ZNF695: variants seen among roughly 807,000 people sequenced by gnomAD.
ZNF695 encodes the protein zinc finger protein 695.
In ZNF695, 11 loss-of-function variants were observed where a neutral mutation model predicts 11.2. That is an observed-to-expected ratio of 0.98 (90% CI 0.62 to 1.62). The LOEUF (loss-of-function observed/expected upper bound fraction) is 1.62. Ranked by LOEUF, ZNF695 falls within the 40% of genes most tolerant of loss-of-function variation. ZNF695 has a pLI of 0.00. For synonymous variants in ZNF695, 190 were observed against 201.4 expected (o/e 0.94, Z 0.48); for missense variants, 559 against 590.5 (o/e 0.95, Z 0.55).
chr1:246,946,142 C>T (rs1667729468), intron 5 of ZNF695, among the ~76,000 whole-genome samples: 1 of 152,144 alleles, frequency 6.6e-6, no homozygotes, highest in South Asian at 2.1e-4. Flanking sequence ...CGTGCCACAC[C>T]GGCTGAGGCT....
chr1:246,990,006 G>A (rs1668979374), intron 3 of ZNF695, among the ~76,000 whole-genome samples: 1 of 38,172 alleles, frequency 2.6e-5, no homozygotes, highest in South Asian at 6.6e-4. Context: ...ATCTTGAAAG[G>A]GAGAAAGGGA....
At chr1:246,946,452 G>A (rs1031816675) in intron 5 of ZNF695, among the ~76,000 whole-genome samples, 3 of 152,100 alleles carry the variant, frequency 2.0e-5, no homozygotes, top group Admixed American at 1.3e-4. Context: ...ATACCCTCTC[G>A]GACTTTTACT....
At chr1:246,994,411 C>G (rs1053930220) in intron 3 of ZNF695, among the ~76,000 whole-genome samples, 2 of 151,770 alleles carry the variant, frequency 1.3e-5, no homozygotes, top group African/African-American at 4.8e-5. Context: ...CGTGGTGGCA[C>G]GCGCCTGTAA....
intron 4 of ZNF695, among the ~76,000 whole-genome samples, chr1:246,974,162 A>C (rs535543337): frequency 6.1e-4 from 82 of 133,976 alleles, no homozygotes; most frequent in African/African-American, 2.1e-3. Flanking sequence ...ACAAACAAAC[A>C]AAAAAAAACA....
intron 5 of ZNF695, among the ~76,000 whole-genome samples, chr1:246,948,674 G>A (rs1667797923): frequency 6.6e-6 from 1 of 152,232 alleles, no homozygotes; most frequent in African/African-American, 2.4e-5. Context: ...CTGGCACGAT[G>A]TGTGTACAAT....
chr1:246,947,447 A>T (rs1303446831), intron 5 of ZNF695, among the ~76,000 whole-genome samples: 1 of 152,132 alleles, frequency 6.6e-6, no homozygotes, highest in African/African-American at 2.4e-5. Flanking sequence ...CTCTCAACAG[A>T]GAACAGTCTG....
downstream of ZNF695, among the ~76,000 whole-genome samples, chr1:246,984,203 T>C (rs1668785508): frequency 7.0e-6 from 1 of 143,654 alleles, no homozygotes; most frequent in Admixed American, 7.0e-5. Flanking sequence ...AAATTTCCTG[T>C]TAGAATGTAC....
At chr1:246,948,279 G>A (rs1032815808) in intron 5 of ZNF695, among the ~76,000 whole-genome samples, 5 of 151,866 alleles carry the variant, frequency 3.3e-5, no homozygotes, top group African/African-American at 1.2e-4. Flanking sequence ...TCACCATGTT[G>A]GCCAGGCTGG....
At chr1:246,958,248 C>T (rs1390262352) in intron 5 of ZNF695, among the ~76,000 whole-genome samples, 6 of 151,954 alleles carry the variant, frequency 3.9e-5, no homozygotes, top group Non-Finnish European at 8.8e-5. Flanking sequence ...TTAGTAGAGA[C>T]AGGGTTTCAC....
At chr1:247,000,463 T>C (rs537829757) in intron 1 of ZNF695, among the ~76,000 whole-genome samples, 1 of 152,188 alleles carries the variant, frequency 6.6e-6, no homozygotes, top group South Asian at 2.1e-4. Context: ...ACCACTGCAC[T>C]ACAGCCTGGG....
intron 5 of ZNF695, among the ~76,000 whole-genome samples, chr1:246,962,765 TC>T (rs1224976741): frequency 6.6e-6 from 1 of 151,698 alleles, no homozygotes; most frequent in East Asian, 1.9e-4. Flanking sequence ...CGATCTCAGC[TC>T]ACTGCAAGCT....
At chr1:246,998,980 AT>A (rs1334180047) in intron 3 of ZNF695, among the ~76,000 whole-genome samples, 1 of 1,240 alleles carries the variant, frequency 8.1e-4, no homozygotes, top group Non-Finnish European at 1.5e-3. Context: ...GAAAACAAAT[AT>A]ATATATATAT....
chr1:246,978,637 C>T (rs1668627008), intron 4 of ZNF695, among the ~76,000 whole-genome samples: 1 of 152,170 alleles, frequency 6.6e-6, no homozygotes, highest in Non-Finnish European at 1.5e-5. Flanking sequence ...TCTAAAGTTA[C>T]CACATGTGTA....
Position 246,962,859 on chromosome 1 carries a change from A to AT in ZNF695, c.488+4835dup, listed in dbSNP as rs1276330541. ...AGGCACCCGCCACCACGCCCGGCTA[A>AT]TTTTTTTTTGTATTTTTAGTAGATA... On this transcript the variant is annotated intron_variant, in intron 5 of 5. Coordinates refer to the ZNF695 transcript ENST00000487338. Among the ~76,000 whole-genome samples, 85 of 151,212 alleles carry AT rather than the reference A, an allele frequency of 5.6e-4. 1 individual carries two copies. Among genetic ancestry groups the AT allele is most frequent in the Admixed American group, 3.1e-3 (47 of 15,168 alleles).
chr1:246,963,093 A>G (rs1668203876), intron 5 of ZNF695, among the ~76,000 whole-genome samples: 1 of 151,938 alleles, frequency 6.6e-6, no homozygotes. Flanking sequence ...AGCTATATTC[A>G]TCTAATGTCC....
rs745316995 is a variant in ZNF695 at position 246,999,920 on chromosome 1, A to T, written c.158T>A (p.Leu53Gln). Residue 53 changes from leucine (L) to glutamine (Q), a missense_variant, in exon 2 of 4, where the codon CTA becomes CAA. Coordinates refer to ENST00000339986, the MANE Select transcript of ZNF695 (RefSeq NM_020394.5). Reference protein sequence around the residue: ...LGEDSFNMQFLFHSLAMSKPE... With the variant: ...LGEDSFNMQFQFHSLAMSKPE... ...AAAGATGAAATCCTTACTGTGAAATAGGAATTGCATATTGAAGCTATCCTC... is the reference window on the plus strand; with the variant it reads ...AAAGATGAAATCCTTACTGTGAAATTGGAATTGCATATTGAAGCTATCCTC... 2 of 1,613,976 alleles carry T rather than the reference A, an allele frequency of 1.2e-6. No homozygotes were observed. The highest frequency in any genetic ancestry group is 1.7e-6 in the Non-Finnish European group (2 of 1,179,932).
chr1:246,967,562 A>C, intron 5 of ZNF695: 1 of 421,140 alleles, frequency 2.4e-6, no homozygotes. Flanking sequence ...ATAGGGGAAG[A>C]CTTGCAGGGG....
intron 3 of ZNF695, among the ~76,000 whole-genome samples, chr1:246,988,542 T>A (rs1188666464): frequency 6.6e-6 from 1 of 152,150 alleles, no homozygotes; most frequent in Non-Finnish European, 1.5e-5. Flanking sequence ...GAGAGTGGTA[T>A]GACATACTTA....
Position 247,000,186 on chromosome 1 carries a change from T to C in ZNF695, c.4-112A>G, listed in dbSNP as rs919616285. On this transcript the variant is annotated intron_variant, in intron 1 of 3. Coordinates refer to ENST00000339986, the MANE Select transcript of ZNF695 (RefSeq NM_020394.5). ...TCTGACTTATATGAGTGACTAGAAT[T>C]ATCAAATAAGATAATTTTTAACACA... 6.8e-6 allele frequency: 6 copies of C among 881,204 alleles called. No individual in the cohort carries two copies. The African/African-American group carries it at 8.7e-5, about 13-fold the overall frequency. 54.6% of individuals were successfully genotyped at this position (881,204 alleles called of 1,614,324 possible).
Sources: gnomAD v4.1 joint callset for allele counts (sites outside exome capture counted in the v4.1 genomes callset) on GRCh38, gnomAD v4.1.1 for gene constraint, MANE v1.5 for transcripts, NCBI Gene and HGNC (gene_info 2026-07-23, HGNC 2026-07-21) for gene names.